ZNF600: variants seen among roughly 807,000 people sequenced by gnomAD.
The protein encoded by ZNF600 is zinc finger protein 600.
ZNF600 carries 4 observed loss-of-function variants against 7.3 expected under a neutral mutation model. That is an observed-to-expected ratio of 0.55 (90% confidence interval 0.27 to 1.25). The LOEUF is 1.25. Among genes scored for constraint, ZNF600 ranks in the 50% most tolerant of loss-of-function variants. The pLI is 0.12. For missense variants in ZNF600, 911 were observed against 922.1 expected (o/e 0.99, Z 0.16); for synonymous variants, 290 against 308.9 (o/e 0.94, Z 0.64).
At chr19:52,812,762 TAAAAAAAAAA>T in the ZNF600 span, among the ~76,000 whole-genome samples, 1,248 of 75,444 alleles carry the variant, frequency 0.017, 34 homozygotes, top group African/African-American at 0.051. Flanking sequence ...GAATGATCAA[TAAAAAAAAAA>T]AAAAAAAAAA....
upstream of ZNF600, among the ~76,000 whole-genome samples, chr19:52,787,619 G>A (rs1393631698): frequency 3.3e-5 from 5 of 151,388 alleles, no homozygotes; most frequent in African/African-American, 4.8e-5. Context: ...AGCACTTTGG[G>A]AGGCTGAGGC....
chr19:52,833,571 T>G, the ZNF600 span, among the ~76,000 whole-genome samples: 64 of 152,172 alleles, frequency 4.2e-4, no homozygotes, highest in Non-Finnish European at 8.2e-4. Flanking sequence ...GCCTGGCTCC[T>G]TTCCTTTCCT....
exon 4 of ZNF600, chr19:52,765,440 A>G (rs2062560993): frequency 8.2e-7 from 1 of 1,221,690 alleles, no homozygotes; most frequent in Non-Finnish European, 1.2e-6. Flanking sequence ...TCTCTCCAGT[A>G]TGAGTGTGTC....
At chr19:52,828,375 A>G in the ZNF600 span, among the ~76,000 whole-genome samples, 1,813 of 152,174 alleles carry the variant, frequency 0.012, 62 homozygotes, top group African/African-American at 0.041. Context: ...TTAACAAGTG[A>G]AGTGCCATTT....
the ZNF600 span, among the ~76,000 whole-genome samples, chr19:52,802,390 C>A: frequency 6.2e-5 from 8 of 128,052 alleles, no homozygotes; most frequent in South Asian, 2.6e-4. Context: ...AAACAAACAA[C>A]AAAAAAAGGC....
At chr19:52,824,145 G>A in the ZNF600 span, among the ~76,000 whole-genome samples, 3 of 151,572 alleles carry the variant, frequency 2.0e-5, no homozygotes, top group Non-Finnish European at 2.9e-5. Flanking sequence ...GTGAGACTCC[G>A]TCTCAAAACA....
At chr19:52,826,427 G>A in the ZNF600 span, among the ~76,000 whole-genome samples, 3 of 151,846 alleles carry the variant, frequency 2.0e-5, no homozygotes, top group African/African-American at 4.8e-5. Flanking sequence ...AAAACTTAGC[G>A]CTGGGTGGGC....
exon 4 of ZNF600, chr19:52,766,496 C>T: frequency 1.2e-6 from 2 of 1,613,474 alleles, no homozygotes. Context: ...CAAAGGTCTT[C>T]CCACATTCAT....
At chr19:52,785,553 T>C (rs1446947117) in intron 1 of ZNF600, among the ~76,000 whole-genome samples, 1 of 152,142 alleles carries the variant, frequency 6.6e-6, no homozygotes, top group East Asian at 1.9e-4. Context: ...CCGGTCCTTA[T>C]TTAACCTCTT....
At chr19:52,806,251 C>A in the ZNF600 span, among the ~76,000 whole-genome samples, 1 of 151,700 alleles carries the variant, frequency 6.6e-6, no homozygotes, top group South Asian at 2.1e-4. Flanking sequence ...TGGAGTGCAA[C>A]GGTGCGATCT....
At chr19:52,823,361 A>C in the ZNF600 span, among the ~76,000 whole-genome samples, 7 of 151,974 alleles carry the variant, frequency 4.6e-5, no homozygotes, top group African/African-American at 9.7e-5. Flanking sequence ...TTACAGGCAC[A>C]CGCCACCATG....
chr19:52,766,966 G>A, exon 4 of ZNF600: 3 of 1,614,118 alleles, frequency 1.9e-6, no homozygotes, highest in Non-Finnish European at 2.5e-6. Flanking sequence ...ATTGCCTTAT[G>A]AATTACAAGG....
chr19:52,811,780 C>T, the ZNF600 span, among the ~76,000 whole-genome samples: 1 of 148,464 alleles, frequency 6.7e-6, no homozygotes, highest in African/African-American at 2.5e-5. Flanking sequence ...CAGCCCCCCG[C>T]CCGGCCAGCC....
exon 4 of ZNF600, chr19:52,766,006 A>G (rs769224836): frequency 6.1e-5 from 98 of 1,614,068 alleles, no homozygotes; most frequent in East Asian, 2.9e-4. Context: ...CAAACCGTAC[A>G]TTTGTAAGAT....
exon 4 of ZNF600, chr19:52,767,204 A>T: frequency 6.2e-7 from 1 of 1,614,112 alleles, no homozygotes; most frequent in Non-Finnish European, 8.5e-7. Context: ...TGTCTCCTAA[A>T]TGGGGTATCT....
the ZNF600 span, among the ~76,000 whole-genome samples, chr19:52,824,739 G>A: frequency 7.2e-5 from 11 of 152,226 alleles, no homozygotes; most frequent in Admixed American, 1.3e-4. Flanking sequence ...CCTCACTGAA[G>A]TCAGACACCA....
chr19:52,830,235 G>A, the ZNF600 span, among the ~76,000 whole-genome samples: 1 of 152,152 alleles, frequency 6.6e-6, no homozygotes, highest in Non-Finnish European at 1.5e-5. Flanking sequence ...TTGCACCACT[G>A]CAGTCCAGCG....
chr19:52,788,605 T>G (rs2062783724), upstream of ZNF600, among the ~76,000 whole-genome samples: 1 of 152,082 alleles, frequency 6.6e-6, no homozygotes, highest in Non-Finnish European at 1.5e-5. Flanking sequence ...TTGACCTGTT[T>G]TGAGGTCTTG....
At chr19:52,767,389 T>G (rs764465789) in exon 4 of ZNF600, 3 of 1,614,016 alleles carry the variant, frequency 1.9e-6, no homozygotes, top group African/African-American at 2.7e-5. Context: ...CTTTGGGATG[T>G]TGAAACCGAG....
Sources: allele counts gnomAD v4.1 joint callset (sites outside exome capture counted in the v4.1 genomes callset), GRCh38; gene constraint gnomAD v4.1.1; transcripts MANE v1.5; gene names NCBI Gene and HGNC (gene_info 2026-07-23, HGNC 2026-07-21).